Variants in NCKAP1L observed in about 807,000 individuals in gnomAD.
The protein encoded by NCKAP1L is NCK associated protein 1 like.
In NCKAP1L, 53 loss-of-function variants were observed where a neutral mutation model predicts 139.2. The observed-to-expected ratio is 0.38, with a 90% CI of 0.31 to 0.48. NCKAP1L has a LOEUF of 0.48. Among genes scored for constraint, NCKAP1L ranks in the 20% least tolerant of loss-of-function variants. The pLI, the probability that NCKAP1L is intolerant of heterozygous loss-of-function variation, is 0.98. For synonymous variants in NCKAP1L, 468 were observed against 499.7 expected (o/e 0.94, Z 0.85); for missense variants, 1,151 against 1,381.9 (o/e 0.83, Z 2.65).
intron 18 of NCKAP1L, among the ~76,000 whole-genome samples, chr12:54,521,874 G>C (rs1212859630): frequency 6.9e-6 from 1 of 145,232 alleles, no homozygotes; most frequent in African/African-American, 2.5e-5. Flanking sequence ...CTTGGTAAAG[G>C]GGAGTGTGTG....
Position 54,509,741 on chromosome 12 carries a change from G to T in NCKAP1L, c.579G>T (p.Glu193Asp), listed in dbSNP as rs779059689. 2 of 1,614,118 alleles carry T rather than the reference G, an allele frequency of 1.2e-6. No individual in the cohort carries two copies. Among genetic ancestry groups the T allele is most frequent in the Non-Finnish European group, 1.7e-6 (2 of 1,180,044 alleles). Residue 193 changes from glutamate to aspartate, a missense_variant, in exon 6 of 31, where the codon GAG becomes GAT. Physicochemically the swap from Glu to Asp is conservative, Grantham distance 45 (BLOSUM62 2). Transcript: ENST00000293373. ...ACCCTCTGAAGAAGCTGACAGAAGAGTTTGGGCCTCACACAAAGGCAAGTT... is the reference window on the plus strand; with the variant it reads ...ACCCTCTGAAGAAGCTGACAGAAGATTTTGGGCCTCACACAAAGGCAAGTT... ...YDHPLKKLTEEFGPHTKAVSG... is the reference protein window; with the variant it reads ...YDHPLKKLTEDFGPHTKAVSG...
In NCKAP1L at chr12:54,537,063, T is replaced by G; in HGVS notation, c.3183+10T>G. 8 of 1,560,066 alleles carry G rather than the reference T, an allele frequency of 5.1e-6. No individual in the cohort carries two copies. The highest frequency in any genetic ancestry group is 7.1e-6 in the Non-Finnish European group (8 of 1,131,588). ...CAAGGAATTTCTGGTGGTGAGTGGG[T>G]CTAGGTTATAAAGAATGGAAGATTG... is the stretch of plus-strand genomic sequence containing the variant. On this transcript the variant is annotated intron_variant, in intron 29 of 30. Transcript: ENST00000293373.
chr12:54,529,527 G>A (rs1424300967), intron 22 of NCKAP1L, among the ~76,000 whole-genome samples: 1 of 152,050 alleles, frequency 6.6e-6, no homozygotes, highest in Non-Finnish European at 1.5e-5. Context: ...TTCTTTGGGG[G>A]GTGCTAAGAA....
At chr12:54,505,660 G>A (rs902070768) in intron 3 of NCKAP1L, among the ~76,000 whole-genome samples, 1 of 89,156 alleles carries the variant, frequency 1.1e-5, no homozygotes, top group African/African-American at 5.0e-5. Flanking sequence ...TCAGTACCCC[G>A]TCCTCCCTTT....
Position 54,517,957 on chromosome 12 carries a change from T to C in NCKAP1L, c.1338+19T>C, listed in dbSNP as rs1261228374. The stretch of plus-strand genomic sequence containing the variant: ...CATTCAGGTATGATATTTAATTGAT[T>C]ATACTTTGGAAATTTCAGGATGATC... On this transcript the variant is annotated intron_variant, in intron 13 of 30. Transcript: ENST00000293373. 6.2e-7 allele frequency: 1 copy of C among 1,613,186 alleles called. No homozygotes were observed. Among genetic ancestry groups the C allele is most frequent in the Admixed American group, 1.7e-5 (1 of 59,982 alleles).
intron 1 of NCKAP1L, among the ~76,000 whole-genome samples, chr12:54,498,540 A>G (rs1308310512): frequency 6.6e-6 from 1 of 151,760 alleles, no homozygotes; most frequent in East Asian, 1.9e-4. Context: ...GTTTATGGGG[A>G]GTTCCTGGCA....
At position 54,521,125 on chromosome 12, in the gene NCKAP1L, C is replaced by A; in HGVS notation, c.1765C>A (p.His589Asn). 6.2e-7 allele frequency: 1 copy of A among 1,614,026 alleles called. No individual in the cohort carries two copies. Reference protein sequence around the residue: ...THEMCPEEYPHLKNHGLHHCN... With the variant: ...THEMCPEEYPNLKNHGLHHCN... ...TGGTCCCTCTTTCCCATAGTACCCCCACCTCAAGAACCATGGTCTTCACCA... is the reference window on the plus strand; with the variant it reads ...TGGTCCCTCTTTCCCATAGTACCCCAACCTCAAGAACCATGGTCTTCACCA... The change falls in exon 18 of 31, where the codon CAC (histidine) becomes AAC (asparagine). Residue 589 changes from histidine to asparagine, a missense_variant. Physicochemically the swap from His to Asn is moderately conservative, Grantham distance 68. Transcript: ENST00000293373.
chr12:54,516,438 T>G, intron 10 of NCKAP1L, 143 bp downstream of exon 10: 1 of 707,772 alleles, frequency 1.4e-6, no homozygotes, highest in South Asian at 1.9e-5. Context: ...AAATTCTTTT[T>G]TCTTTTCTTT....
chr12:54,526,821 G>A (rs1413644598), intron 21 of NCKAP1L, 75 bp downstream of exon 21: 1 of 1,304,456 alleles, frequency 7.7e-7, no homozygotes, highest in Non-Finnish European at 1.1e-6. Context: ...GGACCTCAGG[G>A]CCCGAGCATT....
At chr12:54,537,204 G>T in intron 29 of NCKAP1L, 151 bp downstream of exon 29, 1 of 531,274 alleles carries the variant, frequency 1.9e-6, no homozygotes, top group Non-Finnish European at 3.3e-6. Flanking sequence ...CTATGTGAAA[G>T]GCAAGAGTTT....
rs1321897278 is a variant in NCKAP1L, at chr12:54,543,591, G to A, written c.*906G>A. 3.3e-5 allele frequency: 5 copies of A among 152,206 alleles called. No individual in the cohort carries two copies. The highest frequency in any genetic ancestry group is 7.3e-5 in the Non-Finnish European group (5 of 68,042). The allele number at this position is 152,206 out of a possible 1,614,324, so 9.4% of individuals were successfully genotyped here. ...AGCCTGGGTATAGCTGTTGCTCCAG[G>A]AAGGGATTTCTCTTCTGGATCTTAA... On this transcript the variant is annotated 3_prime_UTR_variant, in exon 31 of 31. Coordinates refer to ENST00000293373, the MANE Select transcript of NCKAP1L (RefSeq NM_005337.5).
At chr12:54,518,136 C>G (rs1328925923) in intron 13 of NCKAP1L, among the ~76,000 whole-genome samples, 198 bp downstream of exon 13, 1 of 151,884 alleles carries the variant, frequency 6.6e-6, no homozygotes, top group East Asian at 1.9e-4. Context: ...GTCAGGAGAT[C>G]GAGACCATCC....
In NCKAP1L at chr12:54,542,557, T is replaced by A. The variant is rs1207490769; in HGVS notation, c.3274-18T>A. The A allele has an allele frequency of 3.2e-6, 5 of 1,584,012 alleles. No homozygotes were observed. Among genetic ancestry groups the A allele is most frequent in the Admixed American group, 1.7e-5 (1 of 59,964 alleles). ...TGCCCTACCTGAGGTTCTCATCTCT[T>A]GGCCCCATCTCTTTCAGGTGGTGGA... On this transcript the variant is annotated intron_variant, in intron 30 of 30. Coordinates refer to ENST00000293373, the MANE Select transcript of NCKAP1L (RefSeq NM_005337.5).
At chr12:54,502,994 G>T (rs1956812298) in intron 3 of NCKAP1L, among the ~76,000 whole-genome samples, 1 of 144,556 alleles carries the variant, frequency 6.9e-6, no homozygotes, top group Non-Finnish European at 1.5e-5. Context: ...GACACAGTGA[G>T]ACTTTGTCTC....
chr12:54,512,360 A>G (rs985152133), intron 9 of NCKAP1L: 1 of 332,502 alleles, frequency 3.0e-6, no homozygotes, highest in Admixed American at 4.1e-5. Flanking sequence ...TTCAGGCTCT[A>G]CCACTAGTTG....
chr12:54,518,590 T>C (rs1956953151), intron 13 of NCKAP1L, 61 bp from the exon 14 acceptor site: 2 of 1,246,210 alleles, frequency 1.6e-6, no homozygotes, highest in East Asian at 4.6e-5. Context: ...AGCCTCATGG[T>C]CCTAGTTTCT....
chr12:54,528,144 C>T, intron 21 of NCKAP1L, 103 bp from the exon 22 acceptor site: 2 of 1,413,290 alleles, frequency 1.4e-6, no homozygotes, highest in Non-Finnish European at 9.6e-7. Context: ...CTACCCCAGT[C>T]TTTTGCAGAG....
At chr12:54,519,561 G>C (rs1956965018) in intron 16 of NCKAP1L, among the ~76,000 whole-genome samples, 1 of 150,806 alleles carries the variant, frequency 6.6e-6, no homozygotes, top group South Asian at 2.1e-4. Flanking sequence ...GAGCCACCAA[G>C]CTCTGAACCA....
At chr12:54,532,435 G>A (rs1043855083) in intron 26 of NCKAP1L, among the ~76,000 whole-genome samples, 185 bp downstream of exon 26, 1 of 152,080 alleles carries the variant, frequency 6.6e-6, no homozygotes, top group Non-Finnish European at 1.5e-5. Flanking sequence ...AAGATGTAGG[G>A]GGATGGAGAG....
Sources: allele counts gnomAD v4.1 joint callset (sites outside exome capture counted in the v4.1 genomes callset), GRCh38; gene constraint gnomAD v4.1.1; transcripts MANE v1.5; gene names NCBI Gene and HGNC (gene_info 2026-07-23, HGNC 2026-07-21).